Variants in NBPF8 observed in about 807,000 individuals in gnomAD.
NBPF8 encodes the protein NBPF member 8.
At chr1:120,432,930 T>C (rs1263650075), upstream of NBPF8, 1 of 151,794 alleles carries the variant, frequency 6.6e-6, no homozygotes, top group East Asian at 1.9e-4. Flanking sequence ...CATCTTAATT[T>C]CTCCATACTA....
rs1430518176 is a variant in NBPF8, at chr1:120,459,628, C to T, written n.2784+98C>T. 2,794 of 1,327,990 alleles carry T rather than the reference C, an allele frequency of 2.1e-3. 251 individuals carry two copies. In the Middle Eastern group the frequency reaches 0.029, roughly 14 times the overall value. The allele number at this position is 1,327,990 out of a possible 1,614,324, so 82.3% of individuals were successfully genotyped here. On this transcript the variant is annotated intron_variant and non_coding_transcript_variant, in intron 17 of 24. Coordinates refer to ENST00000583271, the Ensembl canonical transcript of NBPF8. The stretch of plus-strand genomic sequence containing the variant: ...GTGCCGCTTGTTGGGCTGAGATTTG[C>T]CATCACTGTGGGCTGAACCTATATA...
At chr1:120,420,300 C>G (rs1448389907) in intron 1 of NBPF8, among the ~76,000 whole-genome samples, 182 bp downstream of exon 2, 1 of 151,426 alleles carries the variant, frequency 6.6e-6, no homozygotes, top group Admixed American at 6.6e-5. Flanking sequence ...GTGCCACCCT[C>G]GACCTGCAGT....
chr1:120,452,993 T>G (rs1231364026), intron 13 of NBPF8, among the ~76,000 whole-genome samples: 1 of 151,126 alleles, frequency 6.6e-6, no homozygotes, highest in Admixed American at 6.6e-5. Flanking sequence ...CAAGTTTGTC[T>G]GCTTCTAAGA....
chr1:120,457,734 A>ATAT (rs1433330069), intron 16 of NBPF8, among the ~76,000 whole-genome samples: 7 of 35,182 alleles, frequency 2.0e-4, no homozygotes, highest in African/African-American at 7.6e-4. Flanking sequence ...TATTAAAAAA[A>ATAT]AAATATATAT....
intron 1 of NBPF8, among the ~76,000 whole-genome samples, chr1:120,423,304 T>G (rs2101481512): frequency 9.2e-6 from 1 of 108,660 alleles, no homozygotes; most frequent in East Asian, 2.0e-4. Context: ...GTATATAACA[T>G]GCATACCTGG....
chr1:120,415,706 C>T (rs1171220367), upstream of NBPF8, among the ~76,000 whole-genome samples: 3 of 152,224 alleles, frequency 2.0e-5, no homozygotes, highest in East Asian at 1.9e-4. Flanking sequence ...CTCCGGGATT[C>T]TGCTCCTGGC....
At chr1:120,460,936 G>T (rs1661567520) in intron 18 of NBPF8, among the ~76,000 whole-genome samples, 2 of 151,854 alleles carry the variant, frequency 1.3e-5, no homozygotes, top group Admixed American at 6.6e-5. Flanking sequence ...ACTGTTCACT[G>T]TGTGTCCTGA....
chr1:120,428,436 G>C (rs1449312534), intron 3 of NBPF8, among the ~76,000 whole-genome samples: 1 of 152,074 alleles, frequency 6.6e-6, no homozygotes, highest in African/African-American at 2.4e-5. Flanking sequence ...CTACAGGGGA[G>C]ATAGTGGAAG....
At position 120,420,790 on chromosome 1, in the gene NBPF8, A is replaced by G. The variant is rs1215553992; in HGVS notation, n.269+672A>G. ...TTCACTGAGCATTCATGGGGTGACTATTAGGCACCATGCCCTGCTCTGGGC... is the reference window on the plus strand; with the variant it reads ...TTCACTGAGCATTCATGGGGTGACTGTTAGGCACCATGCCCTGCTCTGGGC... On this transcript the variant is annotated intron_variant and non_coding_transcript_variant, in intron 1 of 28. Coordinates refer to the NBPF8 transcript ENST00000652355. Among the ~76,000 whole-genome samples the G allele has an allele frequency of 9.5e-4, 142 of 149,036 alleles. 1 individual carries two copies. The highest frequency in any genetic ancestry group is 3.4e-3 in the African/African-American group (133 of 39,464).
rs1301394508 is a variant in NBPF8, at chr1:120,464,342, C to T, written n.3287-34C>T. ...GGGGTTCTGTTGTGTCTGATTTCCC[C>T]TGGCGTATTCTTTACTTTTTCCTCC... On this transcript the variant is annotated intron_variant and non_coding_transcript_variant, in intron 22 of 24. Transcript: ENST00000583271. 60 of 774,906 alleles carry T rather than the reference C, an allele frequency of 7.7e-5. 2 individuals are homozygous for T. In the African/African-American group the frequency reaches 1.1e-3, roughly 14 times the overall value. 48.0% of individuals were successfully genotyped at this position (774,906 alleles called of 1,614,324 possible).
chr1:120,421,212 G>T (rs1660564970), intron 1 of NBPF8, among the ~76,000 whole-genome samples: 2 of 152,184 alleles, frequency 1.3e-5, no homozygotes, highest in Non-Finnish European at 1.5e-5. Flanking sequence ...AGAAGGGGTT[G>T]TACCCCATGG....
chr1:120,435,727 G>A (rs1385431620), upstream of NBPF8, among the ~76,000 whole-genome samples: 6 of 151,722 alleles, frequency 4.0e-5, no homozygotes, highest in African/African-American at 1.2e-4. Context: ...TTAGCCAGGC[G>A]TGGTGGCGGG....
At chr1:120,450,799 C>T (rs1661246507) in intron 11 of NBPF8, among the ~76,000 whole-genome samples, 1 of 152,150 alleles carries the variant, frequency 6.6e-6, no homozygotes, top group African/African-American at 2.4e-5. Flanking sequence ...TCCTAGGGGC[C>T]TTCCCGACTG....
At chr1:120,469,053 A>C (rs1661834759), downstream of NBPF8, among the ~76,000 whole-genome samples, 1 of 149,836 alleles carries the variant, frequency 6.7e-6, no homozygotes, top group African/African-American at 2.5e-5. Flanking sequence ...GCTCCCTCCT[A>C]TCCTCCTACT....
intron 3 of NBPF8, among the ~76,000 whole-genome samples, chr1:120,428,472 G>A (rs1182393956): frequency 6.6e-6 from 1 of 151,858 alleles, no homozygotes; most frequent in East Asian, 1.9e-4. Context: ...TCTGCCTTCT[G>A]TGCCCACAAT....
Position 120,457,736 on chromosome 1 carries a change from A to AATAT in NBPF8, n.2621-1617_2621-1614dup, listed in dbSNP as rs1413536025. On this transcript the variant is annotated intron_variant and non_coding_transcript_variant, in intron 16 of 24. Coordinates refer to ENST00000583271, the Ensembl canonical transcript of NBPF8. ...CTAAGACTTAAAGTATTAAAAAAAA[A>AATAT]ATATATATATATATATACATACACA... 1.7e-3 allele frequency among the ~76,000 whole-genome samples: 90 copies of AATAT among 53,762 alleles called. 20 individuals are homozygous for AATAT. Among genetic ancestry groups the AATAT allele is most frequent in the African/African-American group, 7.3e-3 (54 of 7,354 alleles). 35.3% of individuals were successfully genotyped at this position (53,762 alleles called of 152,430 possible).
At chr1:120,469,168 A>T (rs1300829529), downstream of NBPF8, among the ~76,000 whole-genome samples, 1 of 106,510 alleles carries the variant, frequency 9.4e-6, no homozygotes, top group Non-Finnish European at 1.9e-5. Flanking sequence ...GAACTTGTAA[A>T]AATACAATCT....
At chr1:120,456,259 G>A (rs1411729049) in intron 16 of NBPF8, among the ~76,000 whole-genome samples, 2 of 151,192 alleles carry the variant, frequency 1.3e-5, no homozygotes, top group East Asian at 3.9e-4. Context: ...GGGGTGGAGG[G>A]TTCTGTAGAT....
chr1:120,428,380 G>A (rs1238391892), intron 3 of NBPF8, among the ~76,000 whole-genome samples: 2 of 152,152 alleles, frequency 1.3e-5, no homozygotes, highest in Non-Finnish European at 2.9e-5. Context: ...GAATATCAGA[G>A]CCAGAGGAAC....
Sources: gnomAD v4.1 joint callset for allele counts (sites outside exome capture counted in the v4.1 genomes callset) on GRCh38, gnomAD v4.1.1 for gene constraint, MANE v1.5 for transcripts, NCBI Gene and HGNC (gene_info 2026-07-23, HGNC 2026-07-21) for gene names.